CEP128: variants seen among roughly 807,000 people sequenced by gnomAD.
The protein encoded by CEP128 is centrosomal protein 128, also known as centrosomal protein 128kDa.
Under a neutral mutation model 156.7 loss-of-function variants are expected in CEP128, and 132 were observed. The observed-to-expected ratio is 0.84, with a 90% confidence interval of 0.73 to 0.97. The LOEUF is 0.97. CEP128 is among the 50% of genes least tolerant of loss of function. The pLI is 0.00. For missense variants in CEP128, 1,252 were observed against 1,281.9 expected (o/e 0.98, Z 0.36); for synonymous variants, 469 against 448.9 (o/e 1.04, Z -0.57).
At chr14:80,748,615 G>C (rs1899226686) in intron 18 of CEP128, among the ~76,000 whole-genome samples, 1 of 152,148 alleles carries the variant, frequency 6.6e-6, no homozygotes, top group South Asian at 2.1e-4. Flanking sequence ...GGTTAAAGTA[G>C]AGAGAGGAAT....
chr14:80,876,894 T>C (rs1041490956), intron 8 of CEP128, among the ~76,000 whole-genome samples: 4 of 152,174 alleles, frequency 2.6e-5, no homozygotes, highest in Non-Finnish European at 4.4e-5. Context: ...AGATGTGCAA[T>C]CTGAAAAATG....
chr14:80,490,004 C>T (rs142432738), downstream of CEP128, among the ~76,000 whole-genome samples: 1,895 of 151,330 alleles, frequency 0.013, 22 homozygotes, highest in Middle Eastern at 0.055. Flanking sequence ...AATATTTAGA[C>T]ATTTTAGAAT....
At chr14:80,696,551 T>C (rs946779805) in intron 19 of CEP128, among the ~76,000 whole-genome samples, 2 of 152,110 alleles carry the variant, frequency 1.3e-5, no homozygotes, top group Non-Finnish European at 1.5e-5. Context: ...GAAATGCACT[T>C]AGTAAGTAGA....
chr14:80,714,437 T>G (rs1897528931), intron 19 of CEP128, among the ~76,000 whole-genome samples: 1 of 152,300 alleles, frequency 6.6e-6, no homozygotes, highest in South Asian at 2.1e-4. Context: ...AAGGCCATTA[T>G]GTACATAGAG....
At position 80,916,465 on chromosome 14, in the gene CEP128, C is replaced by T; in HGVS notation, c.83G>A (p.Gly28Glu). The T allele has an allele frequency of 6.2e-7, 1 of 1,614,036 alleles. No individual in the cohort carries two copies. The highest frequency in any genetic ancestry group is 8.5e-7 in the Non-Finnish European group (1 of 1,179,916). Residue 28 changes from glycine (G) to glutamate (E), a missense_variant, in exon 3 of 25, where the codon GGA becomes GAA. Gly to Glu is a moderately conservative substitution (Grantham distance 98, BLOSUM62 -2). Transcript: ENST00000555265. ...SPWAARSTHR[G>E]TRSLPTVEVT... ...TTCTACTGTAGGAAGACTTCGAGTTCCCCTGTGCGTTGATCTGGCAGCCCA... is the reference window on the plus strand; with the variant it reads ...TTCTACTGTAGGAAGACTTCGAGTTTCCCTGTGCGTTGATCTGGCAGCCCA...
At position 80,496,987 on chromosome 14, in the gene CEP128, T is replaced by C. The variant is rs1178394370; in HGVS notation, c.*492A>G. The C allele has an allele frequency of 6.5e-6, 1 of 154,008 alleles. No individual in the cohort carries two copies. The highest frequency in any genetic ancestry group is 1.4e-5 in the Non-Finnish European group (1 of 69,526). 9.5% of individuals were successfully genotyped at this position (154,008 alleles called of 1,614,324 possible). Reference sequence around the variant, plus strand: ...CATTTATAAAGTGGACTGTCTAATGTTATATATGCACATCTCCACATGTTA... The same window carrying C: ...CATTTATAAAGTGGACTGTCTAATGCTATATATGCACATCTCCACATGTTA... On this transcript the variant is annotated 3_prime_UTR_variant, in exon 25 of 25. Transcript: ENST00000555265.
chr14:80,620,563 T>C (rs1487525474), intron 19 of CEP128, among the ~76,000 whole-genome samples: 4 of 152,172 alleles, frequency 2.6e-5, no homozygotes, highest in Non-Finnish European at 5.9e-5. Context: ...CAAGAGACTC[T>C]AAGATAATAA....
At chr14:80,606,372 T>C (rs1445687905) in intron 19 of CEP128, among the ~76,000 whole-genome samples, 2 of 152,072 alleles carry the variant, frequency 1.3e-5, no homozygotes, top group Non-Finnish European at 2.9e-5. Context: ...GCAAAAAATA[T>C]AGATACCAAA....
At chr14:80,867,208 G>A (rs993103204) in intron 8 of CEP128, among the ~76,000 whole-genome samples, 26 of 152,156 alleles carry the variant, frequency 1.7e-4, no homozygotes, top group African/African-American at 6.0e-4. Flanking sequence ...CAGTGAACCT[G>A]ATAACTGACA....
intron 19 of CEP128, among the ~76,000 whole-genome samples, chr14:80,604,111 A>G (rs906408146): frequency 6.6e-6 from 1 of 152,190 alleles, no homozygotes; most frequent in South Asian, 2.1e-4. Context: ...CCAAATTATT[A>G]TAACAGCATC....
intron 23 of CEP128, among the ~76,000 whole-genome samples, chr14:80,523,679 G>T (rs572369796): frequency 6.6e-6 from 1 of 152,318 alleles, no homozygotes; most frequent in South Asian, 2.1e-4. Context: ...CACCTAGAAA[G>T]TTCCTGGCAC....
At position 80,840,329 on chromosome 14, in the gene CEP128, C is replaced by T. The variant is rs555672254; in HGVS notation, c.849+353G>A. Among the ~76,000 whole-genome samples, 22 of 152,150 alleles carry T rather than the reference C, an allele frequency of 1.4e-4. No homozygotes were observed. In the South Asian group the frequency reaches 4.2e-3, roughly 29 times the overall value. Reference sequence around the variant, plus strand: ...GAACTGGCTGCTTACTATATCTGTCCACTATAATGAAAATGAATATAACCA... The same window carrying T: ...GAACTGGCTGCTTACTATATCTGTCTACTATAATGAAAATGAATATAACCA... On this transcript the variant is annotated intron_variant, in intron 10 of 24. Coordinates refer to ENST00000555265, the MANE Select transcript of CEP128 (RefSeq NM_152446.5).
At chr14:80,897,789 T>C (rs1483928716) in intron 7 of CEP128, among the ~76,000 whole-genome samples, 1 of 152,176 alleles carries the variant, frequency 6.6e-6, no homozygotes, top group Non-Finnish European at 1.5e-5. Context: ...ATCAATTTTT[T>C]TTTCCTTTGT....
At chr14:80,769,236 T>A (rs1202740534) in intron 16 of CEP128, among the ~76,000 whole-genome samples, 4 of 148,678 alleles carry the variant, frequency 2.7e-5, no homozygotes, top group Non-Finnish European at 5.9e-5. Context: ...GATTTCTTCC[T>A]CTTTTTTTTT....
chr14:80,944,822 C>CAAAAAAAAAAAAAAAAAAAAAAAAAAA (rs55662141), upstream of CEP128, among the ~76,000 whole-genome samples: 10 of 34,660 alleles, frequency 2.9e-4, 1 homozygote, highest in East Asian at 1.2e-3. Context: ...GAGTCTGTCT[C>CAAAAAAAAAAAAAAAAAAAAAAAAAAA]AAAAAAAAAA....
At chr14:80,544,059 T>A (rs981620399) in intron 21 of CEP128, among the ~76,000 whole-genome samples, 2 of 152,170 alleles carry the variant, frequency 1.3e-5, no homozygotes, top group Non-Finnish European at 2.9e-5. Context: ...CAACAAGCAT[T>A]TACTAGCACC....
At position 80,743,242 on chromosome 14, in the gene CEP128, T is replaced by C; in HGVS notation, c.2639A>G (p.Glu880Gly). The change falls in exon 19 of 25, where the codon GAA becomes GGA. Residue 880 changes from glutamate (E) to glycine (G), a missense_variant. By Grantham distance (98) the Glu-to-Gly change is moderately conservative. Coordinates refer to ENST00000555265, the MANE Select transcript of CEP128 (RefSeq NM_152446.5). ...CTCTCTGTTTTCTCTCTCTTTCAGT[T>C]CCTCACAGAGCCACTGAAGTTTAGT... ...SKTKLQWLCE[E>G]LKERENREKN... 1 of 1,612,816 alleles carries C rather than the reference T, an allele frequency of 6.2e-7. No individual in the cohort carries two copies. The highest frequency in any genetic ancestry group is 8.5e-7 in the Non-Finnish European group (1 of 1,179,274).
chr14:80,686,010 A>G (rs1896510249), intron 19 of CEP128, among the ~76,000 whole-genome samples: 2 of 152,084 alleles, frequency 1.3e-5, no homozygotes, highest in Admixed American at 1.3e-4. Context: ...AGAATCCTAG[A>G]AGAAAACCTA....
intron 9 of CEP128, among the ~76,000 whole-genome samples, chr14:80,854,028 A>G (rs1337144325): frequency 6.6e-6 from 1 of 152,118 alleles, no homozygotes; most frequent in Non-Finnish European, 1.5e-5. Flanking sequence ...ATATTTTTAA[A>G]TGAGCAAAAG....
Sources: allele counts gnomAD v4.1 joint callset (sites outside exome capture counted in the v4.1 genomes callset), GRCh38; gene constraint gnomAD v4.1.1; transcripts MANE v1.5; gene names NCBI Gene and HGNC (gene_info 2026-07-23, HGNC 2026-07-21).